Variants in PREX2 observed in about 807,000 individuals in gnomAD.
PREX2 encodes the protein phosphatidylinositol-3,4,5-trisphosphate dependent Rac exchange factor 2.
PREX2 carries 107 observed loss-of-function variants against 203.2 expected under a neutral mutation model. The observed-to-expected ratio is 0.53, with a 90% CI of 0.45 to 0.62. The LOEUF is 0.62. Ranked by LOEUF, PREX2 falls within the 20% of genes least tolerant of loss-of-function variation. PREX2 has a pLI of 0.00. For synonymous variants in PREX2, 672 were observed against 663.6 expected, an observed-to-expected ratio of 1.01 and a Z score of -0.19; for missense variants, 1,777 against 1,955.9, an observed-to-expected ratio of 0.91 and a Z score of 1.72.
chr8:68,230,542 T>C (rs2129615636), intron 39 of PREX2, among the ~76,000 whole-genome samples: 1 of 152,326 alleles, frequency 6.6e-6, no homozygotes, highest in Admixed American at 6.5e-5. Flanking sequence ...GCAGCTATTA[T>C]GTTCCCTTTT....
chr8:68,047,228 T>C (rs1808379060), intron 8 of PREX2, among the ~76,000 whole-genome samples: 1 of 151,870 alleles, frequency 6.6e-6, no homozygotes, highest in African/African-American at 2.4e-5. Context: ...CACAGCATCT[T>C]CATTTCTTTT....
intron 25 of PREX2, among the ~76,000 whole-genome samples, chr8:68,110,525 A>G (rs1248249799): frequency 6.6e-6 from 1 of 152,232 alleles, no homozygotes; most frequent in Admixed American, 6.5e-5. Context: ...TTCTGAAAAT[A>G]ATAGAAATAC....
At chr8:68,084,316 GA>G (rs1199520742) in intron 18 of PREX2, among the ~76,000 whole-genome samples, 4 of 152,086 alleles carry the variant, frequency 2.6e-5, no homozygotes, top group African/African-American at 7.2e-5. Context: ...TAAAGCAAAT[GA>G]AATTTAGCAC....
intron 35 of PREX2, among the ~76,000 whole-genome samples, chr8:68,182,819 G>A (rs1812111202): frequency 1.3e-5 from 2 of 151,838 alleles, no homozygotes; most frequent in Non-Finnish European, 2.9e-5. Flanking sequence ...AACAGGATGA[G>A]TGCAACTCAG....
At chr8:68,008,901 T>G (rs9298124) in intron 1 of PREX2, among the ~76,000 whole-genome samples, 66,387 of 152,078 alleles carry the variant, frequency 0.44, 17,829 homozygotes, top group African/African-American at 0.77. Flanking sequence ...TTAAACCTAT[T>G]TTTCTTTGTA....
At chr8:68,081,905 C>CAGGCTGGTCTCAAACTCCTG (rs1809541347) in intron 17 of PREX2, among the ~76,000 whole-genome samples, 1 of 151,404 alleles carries the variant, frequency 6.6e-6, no homozygotes, top group Non-Finnish European at 1.5e-5. Context: ...CCATGTTGGC[C>CAGGCTGGTCTCAAACTCCTG]AGGCTGGTCT....
At chr8:68,061,229 G>A (rs1340164039) in intron 11 of PREX2, among the ~76,000 whole-genome samples, 5 of 152,312 alleles carry the variant, frequency 3.3e-5, no homozygotes, top group East Asian at 1.9e-4. Context: ...TTTGGGCACC[G>A]GCACAGAGCC....
intron 1 of PREX2, among the ~76,000 whole-genome samples, chr8:67,964,823 G>T (rs1338243305): frequency 6.6e-6 from 1 of 152,098 alleles, no homozygotes; most frequent in African/African-American, 2.4e-5. Flanking sequence ...TTCAAGCCTC[G>T]GATCATTGTA....
chr8:68,120,757 G>A (rs1191822008), intron 29 of PREX2, among the ~76,000 whole-genome samples, 164 bp from the exon 30 acceptor site: 3 of 152,098 alleles, frequency 2.0e-5, no homozygotes, highest in East Asian at 3.9e-4. Flanking sequence ...TAACATGAAG[G>A]TTTGACTTTT....
chr8:68,015,491 A>C (rs1807385420), intron 1 of PREX2, among the ~76,000 whole-genome samples: 1 of 152,208 alleles, frequency 6.6e-6, no homozygotes, highest in South Asian at 2.1e-4. Flanking sequence ...TGTATGTTCC[A>C]TTCTAACTCA....
intron 1 of PREX2, among the ~76,000 whole-genome samples, chr8:67,974,743 A>T: frequency 6.6e-6 from 1 of 152,222 alleles, no homozygotes; most frequent in Non-Finnish European, 1.5e-5. Context: ...AATAGTTATG[A>T]TGATCCTCCT....
At position 68,172,803 on chromosome 8, in the gene PREX2, G is replaced by T. The variant is rs150457339; in HGVS notation, c.4346+15367G>T. On this transcript the variant is annotated intron_variant, in intron 35 of 39. Coordinates refer to ENST00000288368, the MANE Select transcript of PREX2 (RefSeq NM_024870.4). ...GAAGAGGGACCTGGAACATACTTGT[G>T]ACCAGAATCAACATATTTTCTTTTA... Among the ~76,000 whole-genome samples the T allele has an allele frequency of 3.9e-3, 595 of 152,248 alleles. 4 individuals carry two copies. The highest frequency in any genetic ancestry group is 0.013 in the African/African-American group (541 of 41,564).
At chr8:68,030,790 T>C (rs1279390246) in intron 6 of PREX2, 132 bp downstream of exon 6, 2 of 823,214 alleles carry the variant, frequency 2.4e-6, no homozygotes, top group African/African-American at 1.7e-5. Context: ...TAGTCAATTC[T>C]GAAAAGTGCT....
intron 28 of PREX2, among the ~76,000 whole-genome samples, chr8:68,119,858 T>G (rs1330389967): frequency 1.3e-5 from 2 of 152,182 alleles, no homozygotes; most frequent in Admixed American, 1.3e-4. Flanking sequence ...CACAAGATAT[T>G]GCCTTGGATG....
intron 23 of PREX2, among the ~76,000 whole-genome samples, chr8:68,106,785 G>A (rs1201652945): frequency 6.6e-6 from 1 of 152,098 alleles, no homozygotes; most frequent in Non-Finnish European, 1.5e-5. Context: ...TCTACTAGTA[G>A]AGTAAATAGA....
At chr8:68,118,080 G>A (rs530288978) in intron 26 of PREX2, among the ~76,000 whole-genome samples, 1 of 152,296 alleles carries the variant, frequency 6.6e-6, no homozygotes, top group South Asian at 2.1e-4. Context: ...CTTTGGCCGG[G>A]CGTGGTGGCT....
intron 1 of PREX2, among the ~76,000 whole-genome samples, chr8:67,988,354 A>C (rs970729392): frequency 6.6e-6 from 1 of 152,168 alleles, no homozygotes; most frequent in African/African-American, 2.4e-5. Flanking sequence ...CAAAGTCCCT[A>C]TTGCTCCCTG....
intron 1 of PREX2, among the ~76,000 whole-genome samples, chr8:68,002,155 C>T (rs1178824435): frequency 3.6e-5 from 5 of 140,128 alleles, no homozygotes; most frequent in African/African-American, 5.3e-5. Flanking sequence ...TTCTTTCTTT[C>T]TTTTTTTTTT....
chr8:68,146,197 A>C lies in PREX2; in HGVS notation c.4088-12A>C, dbSNP rs545408704. On this transcript the variant is annotated splice_polypyrimidine_tract_variant and intron_variant, in intron 33 of 39. Transcript: ENST00000288368. The stretch of plus-strand genomic sequence containing the variant: ...ATTTTAGGAAGTAATATACTATTAA[A>C]TATCATTTTAGATGTTCCTCTTACA... The C allele has an allele frequency of 5.8e-5, 93 of 1,590,126 alleles. 1 individual carries two copies. The South Asian group carries it at 8.8e-4, about 15-fold the overall frequency.
Sources: gnomAD v4.1 joint callset for allele counts (sites outside exome capture counted in the v4.1 genomes callset) on GRCh38, gnomAD v4.1.1 for gene constraint, MANE v1.5 for transcripts, NCBI Gene and HGNC (gene_info 2026-07-23, HGNC 2026-07-21) for gene names.